Variants in RSRC1 observed in about 807,000 individuals in gnomAD.
The protein encoded by RSRC1 is arginine and serine rich coiled-coil 1.
Under a neutral mutation model 49.1 loss-of-function variants are expected in RSRC1, and 39 were observed. That is an observed-to-expected ratio of 0.79 (90% confidence interval 0.61 to 1.04). The LOEUF (loss-of-function observed/expected upper bound fraction) is 1.04, where lower values mean the gene tolerates loss of function less well. Among genes scored for constraint, RSRC1 ranks in the 50% least tolerant of loss-of-function variants. The probability of loss-of-function intolerance (pLI) is 0.00; values close to 1 mark genes in which losing one functional copy is unlikely to be tolerated. For synonymous variants in RSRC1, 143 were observed against 130.8 expected (o/e 1.09, Z -0.63); for missense variants, 388 against 402.4 (o/e 0.96, Z 0.31).
rs929572618 is a variant in RSRC1 at position 158,397,160 on chromosome 3, G to C, written c.583+42252G>C. 2.0e-5 allele frequency among the ~76,000 whole-genome samples: 3 copies of C among 152,136 alleles called. No individual in the cohort carries two copies. The South Asian group carries it at 6.2e-4, about 32-fold the overall frequency. ...ATTAAATAACGAGAGATGTACAGCT[G>C]AATCAATTCTTAGGGAAGCATCTGG... On this transcript the variant is annotated intron_variant, in intron 6 of 9. Transcript: ENST00000611884.
intron 4 of RSRC1, among the ~76,000 whole-genome samples, chr3:158,282,189 A>G (rs1282746310): frequency 2.0e-5 from 3 of 152,230 alleles, no homozygotes; most frequent in African/African-American, 7.2e-5. Context: ...ATATACATAG[A>G]AGCCACATAA....
At chr3:158,196,317 A>T (rs1197759278) in intron 3 of RSRC1, among the ~76,000 whole-genome samples, 1 of 152,144 alleles carries the variant, frequency 6.6e-6, no homozygotes, top group African/African-American at 2.4e-5. Flanking sequence ...TTATTGGTGT[A>T]TAAGAATGCT....
chr3:158,345,860 A>G (rs1007257705), intron 5 of RSRC1, among the ~76,000 whole-genome samples: 6 of 148,610 alleles, frequency 4.0e-5, no homozygotes, highest in Admixed American at 6.7e-5. Context: ...TATATTTATC[A>G]TATATATATG....
At position 158,293,985 on chromosome 3, in the gene RSRC1, C is replaced by T. The variant is rs539037644; in HGVS notation, c.495-4054C>T. 5.9e-5 allele frequency among the ~76,000 whole-genome samples: 9 copies of T among 152,042 alleles called. No individual in the cohort carries two copies. The Middle Eastern group carries it at 0.01, about 172-fold the overall frequency. ...TTAATCCATTATAGTCTTAAATGTC[C>T]GTATAATATGCTTTGCTGCAGATTT... On this transcript the variant is annotated intron_variant, in intron 4 of 9. Coordinates refer to ENST00000611884, the MANE Select transcript of RSRC1 (RefSeq NM_001271838.2).
At chr3:158,158,696 T>C (rs990037670) in intron 3 of RSRC1, among the ~76,000 whole-genome samples, 19 of 152,120 alleles carry the variant, frequency 1.2e-4, no homozygotes, top group Non-Finnish European at 2.8e-4. Flanking sequence ...TCCCAGCACT[T>C]TGGGAGGCTG....
rs115504204 is a variant in RSRC1, at chr3:158,293,953, T to C, written c.495-4086T>C. Among the ~76,000 whole-genome samples, 1,037 of 152,138 alleles carry C rather than the reference T, an allele frequency of 6.8e-3. 12 individuals carry two copies. The highest frequency in any genetic ancestry group is 0.024 in the African/African-American group (987 of 41,520). Reference sequence around the variant, plus strand: ...TTTTTCATTCCGGAAGCTTTTTGACTTTTCTCTTAATCCATTATAGTCTTA... The same window carrying C: ...TTTTTCATTCCGGAAGCTTTTTGACCTTTCTCTTAATCCATTATAGTCTTA... On this transcript the variant is annotated intron_variant, in intron 4 of 9. Coordinates refer to ENST00000611884, the MANE Select transcript of RSRC1 (RefSeq NM_001271838.2).
chr3:158,330,773 T>C (rs1729495813), intron 5 of RSRC1, among the ~76,000 whole-genome samples: 1 of 152,154 alleles, frequency 6.6e-6, no homozygotes, highest in Non-Finnish European at 1.5e-5. Context: ...TTAAATTGCT[T>C]TCTATAAATA....
rs970249748 is a variant in RSRC1 at position 158,522,671 on chromosome 3, T to C, written c.653-14421T>C. ...ATACTTATGTATATTACTTCTTAAA[T>C]AATGGTTTGAGGAGTGCAGATTATT... is the stretch of plus-strand genomic sequence containing the variant. On this transcript the variant is annotated intron_variant, in intron 7 of 9. Coordinates refer to ENST00000611884, the MANE Select transcript of RSRC1 (RefSeq NM_001271838.2). 5.3e-5 allele frequency among the ~76,000 whole-genome samples: 8 copies of C among 152,172 alleles called. No homozygotes were observed. The East Asian group carries it at 1.5e-3, about 29-fold the overall frequency.
chr3:158,175,118 T>C (rs1049011655), intron 3 of RSRC1, among the ~76,000 whole-genome samples: 6 of 152,150 alleles, frequency 3.9e-5, no homozygotes. Context: ...GGATAATCTC[T>C]TTTATGAAAT....
intron 6 of RSRC1, among the ~76,000 whole-genome samples, chr3:158,377,953 G>T (rs1474518244): frequency 5.3e-5 from 8 of 152,058 alleles, no homozygotes; most frequent in African/African-American, 1.7e-4. Flanking sequence ...AAGCCACCGC[G>T]CCCTGCCCCA....
chr3:158,274,487 A>G (rs1725696854), intron 4 of RSRC1, among the ~76,000 whole-genome samples: 1 of 152,084 alleles, frequency 6.6e-6, no homozygotes, highest in Non-Finnish European at 1.5e-5. Context: ...TTTAGGTCTC[A>G]AGAACTTTTA....
At chr3:158,461,426 A>G (rs1385790303) in intron 7 of RSRC1, among the ~76,000 whole-genome samples, 1 of 151,896 alleles carries the variant, frequency 6.6e-6, no homozygotes, top group Admixed American at 6.6e-5. Flanking sequence ...TGTCATAAAT[A>G]GTCATATGAA....
chr3:158,474,923 CG>C (rs1553812860), intron 7 of RSRC1, among the ~76,000 whole-genome samples: 18 of 151,700 alleles, frequency 1.2e-4, no homozygotes, highest in East Asian at 3.9e-4. Flanking sequence ...GGAGGGGAGA[CG>C]GGGGTGGTTG....
chr3:158,482,514 T>A (rs1560061093), intron 7 of RSRC1, among the ~76,000 whole-genome samples: 1 of 152,066 alleles, frequency 6.6e-6, no homozygotes, highest in East Asian at 1.9e-4. Context: ...ACAAAGCTTC[T>A]GTTTCATTGT....
chr3:158,486,334 T>G (rs745523774), intron 7 of RSRC1, among the ~76,000 whole-genome samples: 3 of 152,154 alleles, frequency 2.0e-5, no homozygotes, highest in Non-Finnish European at 4.4e-5. Context: ...GCCTTGCTAT[T>G]TCATTCACAT....
At position 158,517,755 on chromosome 3, in the gene RSRC1, A is replaced by ATTTTTTTTT. The variant is rs766129663; in HGVS notation, c.653-19307_653-19299dup. Among the ~76,000 whole-genome samples the ATTTTTTTTT allele has an allele frequency of 2.4e-3, 83 of 35,142 alleles. 4 individuals are homozygous for ATTTTTTTTT. Among genetic ancestry groups the ATTTTTTTTT allele is most frequent in the East Asian group, 4.4e-3 (4 of 916 alleles). 23.1% of individuals were successfully genotyped at this position (35,142 alleles called of 152,430 possible). A position where few individuals can be genotyped will look rare whatever the true frequency, so the allele number is the denominator to read the frequency against. On this transcript the variant is annotated intron_variant, in intron 7 of 9. Coordinates refer to ENST00000611884, the MANE Select transcript of RSRC1 (RefSeq NM_001271838.2). ...AGGTGTATACCACAACACCCAGCTAATTTTTTTTTTTTTTTTTTTTTTTTT... is the reference window on the plus strand; with the variant it reads ...AGGTGTATACCACAACACCCAGCTAATTTTTTTTTTTTTTTTTTTTTTTTTTTTTTTTTT...
chr3:158,506,484 TAACTTAAAAAGGAAA>T (rs1274237576), intron 7 of RSRC1, among the ~76,000 whole-genome samples: 8 of 151,968 alleles, frequency 5.3e-5, no homozygotes, highest in Non-Finnish European at 1.5e-5. Context: ...TCAAAGCATG[TAACTTAAAAAGGAAA>T]AACAAGCAAA....
At chr3:158,433,467 A>G (rs1357801511) in intron 6 of RSRC1, among the ~76,000 whole-genome samples, 8 of 151,948 alleles carry the variant, frequency 5.3e-5, no homozygotes, top group Non-Finnish European at 8.8e-5. Context: ...ATGCAAAAGG[A>G]TATATTTCGT....
chr3:158,292,855 G>A (rs999893068), intron 4 of RSRC1, among the ~76,000 whole-genome samples: 2 of 152,116 alleles, frequency 1.3e-5, no homozygotes, highest in Admixed American at 6.5e-5. Context: ...AGGCAAGTAA[G>A]CCTCACATCA....
Sources: gnomAD v4.1 joint callset for allele counts (sites outside exome capture counted in the v4.1 genomes callset) on GRCh38, gnomAD v4.1.1 for gene constraint, MANE v1.5 for transcripts, NCBI Gene and HGNC (gene_info 2026-07-23, HGNC 2026-07-21) for gene names.